DNAH14: variants seen among roughly 807,000 people sequenced by gnomAD.
DNAH14 encodes dynein axonemal heavy chain 14, also known as axonemal beta dynein heavy chain 14.
A neutral mutation model predicts 520.9 loss-of-function variants in DNAH14; 478 were observed. The ratio of observed to expected loss-of-function variants is 0.92; its 90% CI spans 0.85 to 0.99. The LOEUF (loss-of-function observed/expected upper bound fraction) is 0.99, where lower values mean the gene tolerates loss of function less well. Ranked by LOEUF, DNAH14 falls within the 50% of genes least tolerant of loss-of-function variation. The probability of loss-of-function intolerance (pLI) is 0.00; values close to 1 mark genes in which losing one functional copy is unlikely to be tolerated. For missense variants in DNAH14, 4,831 were observed against 5,234.5 expected, an observed-to-expected ratio of 0.92 and a Z score of 2.38; for synonymous variants, 1,581 against 1,757.2, an observed-to-expected ratio of 0.90 and a Z score of 2.51.
intron 8 of DNAH14, among the ~76,000 whole-genome samples, chr1:224,992,759 A>G (rs747962219): frequency 1.1e-4 from 16 of 152,054 alleles, no homozygotes; most frequent in Non-Finnish European, 2.4e-4. Context: ...AAGTGGTGAG[A>G]GTGGACATCC....
rs1027549897 is a variant in DNAH14, at chr1:225,308,171, C to T, written c.9115-114C>T. ...TTTTATGAATCTATTAAATATATTT[C>T]AGGCTGATTTTAGTAAACTTTACCA... On this transcript the variant is annotated intron_variant, in intron 59 of 85. Coordinates refer to ENST00000682510, the MANE Select transcript of DNAH14 (RefSeq NM_001367479.1). 6.8e-5 allele frequency: 74 copies of T among 1,084,966 alleles called. No homozygotes were observed. The East Asian group carries it at 2.0e-3, about 30-fold the overall frequency. 67.2% of individuals were successfully genotyped at this position (1,084,966 alleles called of 1,614,324 possible).
intron 36 of DNAH14, among the ~76,000 whole-genome samples, chr1:225,168,255 G>A (rs897551909): frequency 1.5e-4 from 23 of 152,228 alleles, no homozygotes; most frequent in African/African-American, 5.5e-4. Context: ...GAAGACGAAT[G>A]ATTTCTGCAT....
At chr1:225,133,062 T>C (rs1233986898) in intron 27 of DNAH14, among the ~76,000 whole-genome samples, 4 of 152,164 alleles carry the variant, frequency 2.6e-5, no homozygotes, top group Non-Finnish European at 1.5e-5. Context: ...GCCCACTTTT[T>C]AATGGAGTTT....
chr1:224,967,372 A>T, intron 5 of DNAH14, 59 bp from the exon 6 acceptor site: 2 of 1,268,092 alleles, frequency 1.6e-6, no homozygotes, highest in Non-Finnish European at 2.1e-6. Context: ...CCATTGTATT[A>T]ATTTAGTTAA....
In DNAH14 at chr1:225,080,565, G is replaced by A; in HGVS notation, c.2953G>A (p.Val985Met). The A allele has an allele frequency of 6.4e-7, 1 of 1,552,010 alleles. No individual in the cohort carries two copies. The highest frequency in any genetic ancestry group is 8.7e-7 in the Non-Finnish European group (1 of 1,147,046). The change falls in exon 19 of 86, where the codon GTG becomes ATG. Residue 985 changes from valine (V) to methionine (M), a missense_variant. Transcript: ENST00000682510. The part of the protein sequence containing the change: ...SVNVEEITQI[V>M]LSEISDIEGD... ...TAATGTGGAAGAAATTACACAGATT[G>A]TGCTTTCAGAGATCTCTGACATTGA...
intron 23 of DNAH14, among the ~76,000 whole-genome samples, chr1:225,116,919 A>T (rs1432230044): frequency 6.6e-6 from 1 of 152,194 alleles, no homozygotes. Context: ...AAAGAATCTG[A>T]CTTCACAAGT....
In DNAH14 at chr1:225,353,875, A is replaced by G; in HGVS notation, c.11606A>G (p.Gln3869Arg). 1 of 1,484,032 alleles carries G rather than the reference A, an allele frequency of 6.7e-7. No individual in the cohort carries two copies. The highest frequency in any genetic ancestry group is 9.2e-7 in the Non-Finnish European group (1 of 1,092,366). 91.9% of individuals were successfully genotyped at this position (1,484,032 alleles called of 1,614,324 possible). Residue 3869 changes from glutamine to arginine, a missense_variant, in exon 73 of 86, where the codon CAA becomes CGA. Gln to Arg is a conservative substitution (Grantham distance 43). Coordinates refer to ENST00000682510, the MANE Select transcript of DNAH14 (RefSeq NM_001367479.1). Reference protein sequence around the residue: ...NFPWEKLTSFQRLILVKVLRP... With the variant: ...NFPWEKLTSFRRLILVKVLRP... ...CCCTGGGAGAAACTCACTTCATTTC[A>G]AAGACTTATTTTGGTAAGATATCTT... is the stretch of plus-strand genomic sequence containing the variant.
chr1:225,147,304 G>T, intron 31 of DNAH14, 55 bp downstream of exon 31: 6 of 1,412,820 alleles, frequency 4.2e-6, no homozygotes, highest in South Asian at 3.4e-5. Context: ...CACACTTAAT[G>T]TTTAGTTAAT....
chr1:225,227,307 G>T (rs1238304660), intron 41 of DNAH14, among the ~76,000 whole-genome samples: 1 of 152,058 alleles, frequency 6.6e-6, no homozygotes, highest in African/African-American at 2.4e-5. Flanking sequence ...GCAGTGCATT[G>T]TGTCCCTGGG....
chr1:225,023,708 T>C lies in DNAH14; in HGVS notation c.1201T>C (p.Leu401=). The stretch of plus-strand genomic sequence containing the variant: ...CAAGCTGCCTAAATATAGACGTTTA[T>C]TAGAAACATTTTTCAAGTTTGTAAT... ...HFKLPKYRRL[L]ETFFKFVMLV... Residue 401 remains leucine (L), a synonymous_variant, in exon 11 of 86, where the codon TTA becomes CTA. Transcript: ENST00000682510. 6.4e-7 allele frequency: 1 copy of C among 1,550,886 alleles called. No individual in the cohort carries two copies. Among genetic ancestry groups the C allele is most frequent in the Non-Finnish European group, 8.7e-7 (1 of 1,146,524 alleles).
At chr1:225,020,496 CAA>C (rs57945282) in intron 10 of DNAH14, among the ~76,000 whole-genome samples, 23 of 57,530 alleles carry the variant, frequency 4.0e-4, no homozygotes, top group Admixed American at 1.2e-3. Flanking sequence ...GGCTCTGTCT[CAA>C]AAAAAAAAAA....
intron 36 of DNAH14, among the ~76,000 whole-genome samples, chr1:225,174,224 C>A (rs1334056592): frequency 6.6e-6 from 1 of 152,010 alleles, no homozygotes; most frequent in African/African-American, 2.4e-5. Flanking sequence ...AACTAACCTG[C>A]ACATTGTGCA....
chr1:225,385,806 A>G (rs2095834966), intron 81 of DNAH14, among the ~76,000 whole-genome samples: 1 of 152,192 alleles, frequency 6.6e-6, no homozygotes, highest in Non-Finnish European at 1.5e-5. Flanking sequence ...CATACTACCC[A>G]AGGTAATTTA....
intron 38 of DNAH14, among the ~76,000 whole-genome samples, chr1:225,193,263 T>C (rs1263938333): frequency 3.3e-5 from 5 of 152,242 alleles, no homozygotes; most frequent in Non-Finnish European, 7.4e-5. Context: ...GTGAATAAAG[T>C]ATTTGATACA....
At chr1:225,282,828 C>T (rs572301994) in intron 54 of DNAH14, among the ~76,000 whole-genome samples, 2 of 152,260 alleles carry the variant, frequency 1.3e-5, no homozygotes, top group South Asian at 2.1e-4. Context: ...ATTGATCATT[C>T]GGGTCTTCTC....
chr1:225,346,525 CA>C lies in DNAH14; in HGVS notation c.11171del (p.Asn3724ThrfsTer7), dbSNP rs2150425490. ...TTTTCGGCTTTGCACTGTAATCATG[CA>C]AAACAATGCTAATGGAAATCTAATA... ...FSFRLCTVIMQNNANGNLIQD... is the reference protein window; with the variant it reads ...FSFRLCTVIMXNNANGNLIQD... On this transcript the variant is annotated frameshift_variant, in exon 71 of 86. Coordinates refer to ENST00000682510, the MANE Select transcript of DNAH14 (RefSeq NM_001367479.1). LOFTEE classifies it high-confidence loss of function. 1 of 1,551,174 alleles carries C rather than the reference CA, an allele frequency of 6.4e-7. No individual in the cohort carries two copies. The highest frequency in any genetic ancestry group is 2.4e-5 in the East Asian group (1 of 40,862).
intron 80 of DNAH14, 86 bp downstream of exon 80, chr1:225,380,408 A>C (rs1575117213): frequency 7.2e-7 from 1 of 1,388,248 alleles, no homozygotes; most frequent in Non-Finnish European, 9.5e-7. Flanking sequence ...AAGATAAGAC[A>C]AAAATTCTGT....
chr1:224,976,338 C>T (rs975462387), intron 8 of DNAH14, among the ~76,000 whole-genome samples: 2 of 151,956 alleles, frequency 1.3e-5, no homozygotes, highest in East Asian at 1.9e-4. Flanking sequence ...TTAAAGTCTC[C>T]CATTATTATT....
chr1:225,398,470 G>C, intron 84 of DNAH14, 50 bp from the exon 85 acceptor site: 1 of 1,541,760 alleles, frequency 6.5e-7, no homozygotes, highest in Non-Finnish European at 8.8e-7. Flanking sequence ...GCCTCCAGTT[G>C]GTCGCTGCTT....
Sources: allele counts gnomAD v4.1 joint callset (sites outside exome capture counted in the v4.1 genomes callset), GRCh38; gene constraint gnomAD v4.1.1; transcripts MANE v1.5; gene names NCBI Gene and HGNC (gene_info 2026-07-23, HGNC 2026-07-21).